Variants in FMN1 observed in about 807,000 individuals in gnomAD.
The protein encoded by FMN1 is formin 1.
A neutral mutation model predicts 132.4 loss-of-function variants in FMN1; 110 were observed. That is an observed-to-expected ratio of 0.83 (90% CI 0.71 to 0.97). The LOEUF is 0.97. Among genes scored for constraint, FMN1 ranks in the 50% least tolerant of loss-of-function variants. FMN1 has a pLI of 0.00. For synonymous variants in FMN1, 722 were observed against 651.7 expected (o/e 1.11, Z -1.64); for missense variants, 1,792 against 1,705.3 (o/e 1.05, Z -0.90).
At chr15:32,829,308 C>A (rs939115057) in intron 17 of FMN1, among the ~76,000 whole-genome samples, 1 of 152,190 alleles carries the variant, frequency 6.6e-6, no homozygotes, top group Non-Finnish European at 1.5e-5. Context: ...TGCGCTCCGG[C>A]GAAAGTTCTG....
intron 9 of FMN1, among the ~76,000 whole-genome samples, chr15:32,956,296 T>C (rs1227231349): frequency 6.6e-6 from 1 of 151,694 alleles, no homozygotes; most frequent in Non-Finnish European, 1.5e-5. Context: ...ACTCCAAGAA[T>C]AATACTCAGA....
At chr15:33,128,350 G>T (rs1003898302) in intron 4 of FMN1, among the ~76,000 whole-genome samples, 1 of 152,102 alleles carries the variant, frequency 6.6e-6, no homozygotes, top group Non-Finnish European at 1.5e-5. Context: ...CCTGATCCTT[G>T]ACGATCTCAA....
chr15:33,138,218 G>T (rs1176665531), intron 4 of FMN1, among the ~76,000 whole-genome samples: 5 of 152,162 alleles, frequency 3.3e-5, no homozygotes, highest in South Asian at 2.1e-4. Context: ...GAAATGCTCT[G>T]TCAGCAGGAA....
Position 32,997,305 on chromosome 15 carries a change from A to G in FMN1, c.2223+10709T>C, listed in dbSNP as rs543854740. 1.7e-4 allele frequency among the ~76,000 whole-genome samples: 26 copies of G among 150,856 alleles called. No individual in the cohort carries two copies. In the South Asian group the frequency reaches 5.4e-3, roughly 32 times the overall value. On this transcript the variant is annotated intron_variant, in intron 7 of 20. Coordinates refer to ENST00000616417, the MANE Select transcript of FMN1 (RefSeq NM_001277313.2). The stretch of plus-strand genomic sequence containing the variant: ...TTGTTTATTTTTCTTTCCTAACACT[A>G]CAGAAATATCACCGTCTTTTTTTTT...
At chr15:32,966,802 T>C (rs1320696548) in intron 8 of FMN1, among the ~76,000 whole-genome samples, 1 of 152,234 alleles carries the variant, frequency 6.6e-6, no homozygotes, top group Non-Finnish European at 1.5e-5. Flanking sequence ...CACAAAATAT[T>C]AAAATATGAT....
At chr15:33,104,598 T>C (rs555949370) in intron 4 of FMN1, among the ~76,000 whole-genome samples, 1 of 152,060 alleles carries the variant, frequency 6.6e-6, no homozygotes, top group African/African-American at 2.4e-5. Flanking sequence ...GAGAACTCAA[T>C]CAGCTAAAGG....
intron 5 of FMN1, among the ~76,000 whole-genome samples, chr15:33,081,154 C>G (rs2038439524): frequency 6.6e-6 from 1 of 152,154 alleles, no homozygotes; most frequent in Non-Finnish European, 1.5e-5. Flanking sequence ...TGAAGTGGTT[C>G]CATTAAGACA....
At chr15:33,115,756 T>C (rs1348884600) in intron 4 of FMN1, among the ~76,000 whole-genome samples, 1 of 152,174 alleles carries the variant, frequency 6.6e-6, no homozygotes, top group African/African-American at 2.4e-5. Flanking sequence ...CCCATGTTGC[T>C]ATTTCTGGCC....
At chr15:33,026,577 A>C (rs1028484283) in intron 6 of FMN1, among the ~76,000 whole-genome samples, 1 of 152,250 alleles carries the variant, frequency 6.6e-6, no homozygotes, top group Non-Finnish European at 1.5e-5. Flanking sequence ...ATATGATTTT[A>C]TATCATGATT....
chr15:32,991,646 C>A lies in FMN1; in HGVS notation c.2223+16368G>T, dbSNP rs146525626. ...CATTACAAACGACTTGGCTTGCTGT[C>A]AGACACCTAACTTTAAATGGCTAAA... On this transcript the variant is annotated intron_variant, in intron 7 of 20. Coordinates refer to ENST00000616417, the MANE Select transcript of FMN1 (RefSeq NM_001277313.2). Among the ~76,000 whole-genome samples, 265 of 152,234 alleles carry A rather than the reference C, an allele frequency of 1.7e-3. 2 individuals carry two copies. Among genetic ancestry groups the A allele is most frequent in the African/African-American group, 6.1e-3 (253 of 41,540 alleles).
At chr15:33,142,448 A>C (rs1964046935) in intron 4 of FMN1, among the ~76,000 whole-genome samples, 1 of 152,152 alleles carries the variant, frequency 6.6e-6, no homozygotes. Context: ...TCTAAATTTG[A>C]TACAGGATGC....
chr15:33,069,448 A>G (rs959970334), intron 5 of FMN1, among the ~76,000 whole-genome samples: 2 of 152,198 alleles, frequency 1.3e-5, no homozygotes, highest in East Asian at 1.9e-4. Context: ...AAGGTCCAAG[A>G]AGATTGTGGT....
intron 17 of FMN1, among the ~76,000 whole-genome samples, chr15:32,814,385 T>G (rs1412415617): frequency 6.6e-6 from 1 of 152,238 alleles, no homozygotes; most frequent in Non-Finnish European, 1.5e-5. Flanking sequence ...TTCCTTGTAA[T>G]GTCTACCTTG....
intron 6 of FMN1, among the ~76,000 whole-genome samples, chr15:33,021,810 T>A (rs1011223760): frequency 2.6e-5 from 4 of 152,216 alleles, no homozygotes; most frequent in African/African-American, 9.6e-5. Context: ...CTAAGCAGTT[T>A]AAAATTCCAT....
At chr15:33,052,324 T>G (rs1023858886) in intron 6 of FMN1, among the ~76,000 whole-genome samples, 8 of 152,136 alleles carry the variant, frequency 5.3e-5, no homozygotes, top group Non-Finnish European at 1.2e-4. Flanking sequence ...CTAGGAAGAC[T>G]ACAGAAAAAA....
At position 32,998,851 on chromosome 15, in the gene FMN1, T is replaced by C. The variant is rs937114816; in HGVS notation, c.2223+9163A>G. Among the ~76,000 whole-genome samples, 7 of 152,152 alleles carry C rather than the reference T, an allele frequency of 4.6e-5. 1 individual carries two copies. The South Asian group carries it at 1.2e-3, about 27-fold the overall frequency. ...CCATGATACAAATGAGCAATCAACA[T>C]TCTACAACAGCCTCCTTCTATATCT... On this transcript the variant is annotated intron_variant, in intron 7 of 20. Transcript: ENST00000616417.
chr15:32,802,093 G>C (rs1366317175), intron 18 of FMN1, among the ~76,000 whole-genome samples: 1 of 152,204 alleles, frequency 6.6e-6, no homozygotes, highest in Non-Finnish European at 1.5e-5. Context: ...TTTGTTAGCA[G>C]ATAGCTCTAA....
chr15:33,116,361 C>T (rs1276948752), intron 4 of FMN1, among the ~76,000 whole-genome samples: 3 of 152,152 alleles, frequency 2.0e-5, no homozygotes, highest in African/African-American at 7.2e-5. Flanking sequence ...TGCAACAAAT[C>T]CGAGGCAGCC....
rs1026117630 is a variant in FMN1, at chr15:33,154,157, A to G, written c.758T>C (p.Phe253Ser). 6.5e-7 allele frequency: 1 copy of G among 1,536,278 alleles called. No individual in the cohort carries two copies. The highest frequency in any genetic ancestry group is 2.0e-5 in the Admixed American group (1 of 50,976). ...TPDTDLGFGS[F>S]ETAFKDTGLG... Reference sequence around the variant, plus strand: ...CCCAGTGTCCTTGAAAGCCGTCTCAAAGCTCCCAAAGCCAAGGTCTGTGTC... The same window carrying G: ...CCCAGTGTCCTTGAAAGCCGTCTCAGAGCTCCCAAAGCCAAGGTCTGTGTC... The change falls in exon 4 of 21, where the codon TTT becomes TCT. Residue 253 changes from phenylalanine (F) to serine (S), a missense_variant. Physicochemically the swap from Phe to Ser is radical, Grantham distance 155. Coordinates refer to ENST00000616417, the MANE Select transcript of FMN1 (RefSeq NM_001277313.2).
Sources: gnomAD v4.1 joint callset for allele counts (sites outside exome capture counted in the v4.1 genomes callset) on GRCh38, gnomAD v4.1.1 for gene constraint, MANE v1.5 for transcripts, NCBI Gene and HGNC (gene_info 2026-07-23, HGNC 2026-07-21) for gene names.